ERICH6: variants seen among roughly 807,000 people sequenced by gnomAD.
The protein encoded by ERICH6 is glutamate rich 6, also known as glutamate-rich protein 6.
In ERICH6, 71 loss-of-function variants were observed where a neutral mutation model predicts 71.0. The observed-to-expected ratio is 1.00, with a 90% CI of 0.83 to 1.22. The LOEUF (loss-of-function observed/expected upper bound fraction) is 1.22, where lower values mean the gene tolerates loss of function less well. ERICH6 is among the 50% of genes most tolerant of loss of function. The probability of loss-of-function intolerance (pLI) is 0.00; values close to 1 mark genes in which losing one functional copy is unlikely to be tolerated. For missense variants in ERICH6, 808 were observed against 797.2 expected, an observed-to-expected ratio of 1.01 and a Z score of -0.16; for synonymous variants, 262 against 278.4, an observed-to-expected ratio of 0.94 and a Z score of 0.59.
At chr3:150,680,441 C>T (rs1711859170) in intron 9 of ERICH6, 27 bp downstream of exon 9, 21 of 1,607,406 alleles carry the variant, frequency 1.3e-5, no homozygotes, top group Non-Finnish European at 1.7e-5. Context: ...TACAGCTGGT[C>T]TATAAGATCA....
chr3:150,687,894 G>T (rs936806213), intron 3 of ERICH6, among the ~76,000 whole-genome samples: 1 of 152,166 alleles, frequency 6.6e-6, no homozygotes, highest in Non-Finnish European at 1.5e-5. Flanking sequence ...AAGGTGGGGA[G>T]ATTACTTGAG....
intron 11 of ERICH6, among the ~76,000 whole-genome samples, chr3:150,672,319 C>T (rs1370178138): frequency 3.2e-5 from 4 of 126,750 alleles, no homozygotes; most frequent in African/African-American, 6.0e-5. Flanking sequence ...CCCCATAGGC[C>T]GGGTGTGGTG....
rs376259990 is a variant in ERICH6, at chr3:150,703,468, C to T, written c.403+28G>A. On this transcript the variant is annotated intron_variant, in intron 1 of 13. Coordinates refer to ENST00000295910, the MANE Select transcript of ERICH6 (RefSeq NM_152394.5). ...GTGCCCCCTGGAGACGAGAAACCCT[C>T]GAGGAAGGGGTGGGTCGGGGGCGGT... The T allele has an allele frequency of 1.4e-5, 22 of 1,538,992 alleles. No homozygotes were observed. In the African/African-American group the frequency reaches 1.8e-4, roughly 12 times the overall value.
rs1321079439 is a variant in ERICH6, at chr3:150,666,769, T to C, written c.1728+18A>G. The C allele has an allele frequency of 4.4e-6, 7 of 1,604,796 alleles. No homozygotes were observed. In the African/African-American group the frequency reaches 9.4e-5, roughly 22 times the overall value. ...TATTATTCTAAATGCTTTAAACTGT[T>C]TTTAAAAATGTACCTACCTTCACTT... On this transcript the variant is annotated intron_variant, in intron 13 of 13. Coordinates refer to ENST00000295910, the MANE Select transcript of ERICH6 (RefSeq NM_152394.5).
intron 11 of ERICH6, among the ~76,000 whole-genome samples, chr3:150,672,264 C>CATATATATATATATATATATATACAT (rs57492414): frequency 4.9e-5 from 6 of 123,620 alleles, no homozygotes; most frequent in African/African-American, 1.9e-4. Flanking sequence ...TTTATATATA[C>CATATATATATATATATATATATACAT]ATATATATAT....
rs190470373 is a variant in ERICH6 at position 150,703,676 on chromosome 3, C to A, written c.223G>T (p.Glu75Ter). The A allele has an allele frequency of 1.2e-6, 2 of 1,613,326 alleles. No homozygotes were observed. Among genetic ancestry groups the A allele is most frequent in the Non-Finnish European group, 1.7e-6 (2 of 1,179,536 alleles). ...TCCGTGACCTTCCAGAGGTACTCTT[C>A]GCTGAACGTCTCAGGGGCCTCCAAC... is the stretch of plus-strand genomic sequence containing the variant. ...QELEAPETFS[E>*]EYLWKVTDIG... Residue 75 changes from glutamate to a stop codon, truncating the protein, a stop_gained, in exon 1 of 14, where the codon GAA (glutamate) becomes TAA (stop). Transcript: ENST00000295910. LOFTEE classifies it high-confidence loss of function.
intron 1 of ERICH6, among the ~76,000 whole-genome samples, chr3:150,702,819 TTG>T (rs376345782): frequency 0.042 from 5,039 of 120,692 alleles, 286 homozygotes; most frequent in African/African-American, 0.14. Context: ...CAAAAGAGAG[TTG>T]TTTTTTTTTT....
chr3:150,672,145 G>GA (rs376075319), intron 11 of ERICH6, among the ~76,000 whole-genome samples: 4 of 150,886 alleles, frequency 2.7e-5, no homozygotes, highest in Non-Finnish European at 4.4e-5. Context: ...GTTTTTTGGG[G>GA]AAAAAATGTG....
At chr3:150,698,747 G>C in intron 3 of ERICH6, 44 bp downstream of exon 3, 1 of 1,492,032 alleles carries the variant, frequency 6.7e-7, no homozygotes, top group Non-Finnish European at 9.3e-7. Context: ...TTTCCAACAT[G>C]CAATCCCTCC....
Position 150,697,477 on chromosome 3 carries a change from CCA to C in ERICH6, c.553+1312_553+1313del, listed in dbSNP as rs770176597. ...GCCCACTCCAATATGGCTTTTATCC[CCA>C]GAGTTACACTGAAGCTGGTCCTATC... On this transcript the variant is annotated intron_variant, in intron 3 of 13. Transcript: ENST00000295910. Among the ~76,000 whole-genome samples the C allele has an allele frequency of 7.9e-5, 12 of 152,156 alleles. No individual in the cohort carries two copies. The East Asian group carries it at 1.9e-3, about 24-fold the overall frequency.
At position 150,688,813 on chromosome 3, in the gene ERICH6, A is replaced by C. The variant is rs1347455998; in HGVS notation, c.554-2459T>G. Among the ~76,000 whole-genome samples the C allele has an allele frequency of 2.6e-4, 40 of 152,146 alleles. 1 individual carries two copies. The highest frequency in any genetic ancestry group is 5.9e-5 in the Non-Finnish European group (4 of 68,024). On this transcript the variant is annotated intron_variant, in intron 3 of 13. Transcript: ENST00000295910. ...TCCAGACGAAACCAATATCCATCTT[A>C]CATATGTTGATTGATGTCTCATGTC...
chr3:150,683,094 G>A (rs373253676), intron 6 of ERICH6, among the ~76,000 whole-genome samples: 26 of 152,310 alleles, frequency 1.7e-4, no homozygotes, highest in African/African-American at 5.1e-4. Flanking sequence ...CAGGGCATCT[G>A]TATATGCCAT....
chr3:150,677,353 C>T (rs913762909), intron 10 of ERICH6, among the ~76,000 whole-genome samples: 3 of 151,628 alleles, frequency 2.0e-5, no homozygotes, highest in Non-Finnish European at 2.9e-5. Flanking sequence ...CTTACATACA[C>T]GGATATTTAA....
chr3:150,703,080 T>C lies in ERICH6; in HGVS notation c.403+416A>G, dbSNP rs143946232. Among the ~76,000 whole-genome samples, 136 of 151,426 alleles carry C rather than the reference T, an allele frequency of 9.0e-4. 1 individual carries two copies. The highest frequency in any genetic ancestry group is 3.2e-3 in the African/African-American group (133 of 41,246). On this transcript the variant is annotated intron_variant, in intron 1 of 13. Transcript: ENST00000295910. ...AGCACTCCCAGCAGCCTGGGCAACATAGTGAGACGCCAGATTAGCTGGGTG... is the reference window on the plus strand; with the variant it reads ...AGCACTCCCAGCAGCCTGGGCAACACAGTGAGACGCCAGATTAGCTGGGTG...
chr3:150,669,057 T>C (rs1413802068), intron 12 of ERICH6, among the ~76,000 whole-genome samples: 1 of 152,224 alleles, frequency 6.6e-6, no homozygotes, highest in Non-Finnish European at 1.5e-5. Flanking sequence ...AGTTCATATA[T>C]TCTTACTATG....
chr3:150,672,590 A>C (rs1284504266), intron 11 of ERICH6, among the ~76,000 whole-genome samples: 11 of 151,916 alleles, frequency 7.2e-5, no homozygotes, highest in Admixed American at 2.0e-4. Context: ...ACTATGTCTC[A>C]AAAAACAAAC....
chr3:150,680,389 C>T (rs1711856457), intron 9 of ERICH6, 79 bp downstream of exon 9: 1 of 1,401,248 alleles, frequency 7.1e-7, no homozygotes, highest in African/African-American at 1.4e-5. Flanking sequence ...TTAAATACAC[C>T]CATTTCATCT....
At chr3:150,702,801 G>GTTAAA (rs10663389) in intron 1 of ERICH6, among the ~76,000 whole-genome samples, 121,164 of 149,140 alleles carry the variant, frequency 0.81, 49,430 homozygotes, top group East Asian at 0.94. Flanking sequence ...AGCACAGGAT[G>GTTAAA]TTAAACACAA....
chr3:150,667,037 A>G (rs1320238401), intron 12 of ERICH6, 22 bp from the exon 13 acceptor site: 2 of 1,596,616 alleles, frequency 1.3e-6, no homozygotes, highest in Non-Finnish European at 1.7e-6. Flanking sequence ...GGAAATGTAA[A>G]TATCATAAAC....
Sources: allele counts gnomAD v4.1 joint callset (sites outside exome capture counted in the v4.1 genomes callset), GRCh38; gene constraint gnomAD v4.1.1; transcripts MANE v1.5; gene names NCBI Gene and HGNC (gene_info 2026-07-23, HGNC 2026-07-21).